PLXDC2: variants seen among roughly 807,000 people sequenced by gnomAD.
The protein encoded by PLXDC2 is plexin domain containing 2.
A neutral mutation model predicts 68.9 loss-of-function variants in PLXDC2; 40 were observed. The observed-to-expected ratio is 0.58, with a 90% CI of 0.45 to 0.76. PLXDC2 has a LOEUF of 0.76. Ranked by LOEUF, PLXDC2 falls within the 30% of genes least tolerant of loss-of-function variation. The pLI is 0.00. For missense variants in PLXDC2, 644 were observed against 661.9 expected (o/e 0.97, Z 0.30); for synonymous variants, 243 against 234.2 (o/e 1.04, Z -0.34).
At chr10:20,143,601 C>G (rs1834035130) in intron 5 of PLXDC2, among the ~76,000 whole-genome samples, 184 bp downstream of exon 5, 1 of 152,012 alleles carries the variant, frequency 6.6e-6, no homozygotes. Flanking sequence ...TTCATTCATT[C>G]AACACATTTA....
chr10:20,015,402 A>G (rs1466149734), intron 2 of PLXDC2, among the ~76,000 whole-genome samples: 2 of 152,076 alleles, frequency 1.3e-5, no homozygotes, highest in East Asian at 1.9e-4. Context: ...ATGTATATGT[A>G]TGTGCATACT....
At chr10:19,946,946 G>A (rs1589550604) in intron 1 of PLXDC2, among the ~76,000 whole-genome samples, 1 of 152,132 alleles carries the variant, frequency 6.6e-6, no homozygotes, top group South Asian at 2.1e-4. Context: ...CTGCTGTGCA[G>A]CCTGGTCCCT....
intron 2 of PLXDC2, among the ~76,000 whole-genome samples, chr10:20,033,464 G>A (rs1301339952): frequency 6.6e-6 from 1 of 152,048 alleles, no homozygotes; most frequent in African/African-American, 2.4e-5. Flanking sequence ...GTATTAGTCT[G>A]CTCTCATGCT....
intron 2 of PLXDC2, among the ~76,000 whole-genome samples, chr10:20,030,015 C>T (rs532768408): frequency 2.6e-5 from 4 of 152,122 alleles, no homozygotes; most frequent in African/African-American, 7.2e-5. Context: ...AAGATTTACA[C>T]TGCTAAAAGT....
intron 4 of PLXDC2, among the ~76,000 whole-genome samples, chr10:20,070,654 A>G (rs1836300456): frequency 6.6e-6 from 1 of 152,214 alleles, no homozygotes; most frequent in Non-Finnish European, 1.5e-5. Flanking sequence ...ATAAAATATA[A>G]TAGAAATATG....
chr10:19,862,218 CA>C (rs1401504527), intron 1 of PLXDC2, among the ~76,000 whole-genome samples: 4 of 152,170 alleles, frequency 2.6e-5, no homozygotes, highest in Non-Finnish European at 5.9e-5. Context: ...ATCCAACTAG[CA>C]TCTTGAATCA....
chr10:19,914,690 C>T (rs1833335214), intron 1 of PLXDC2, among the ~76,000 whole-genome samples: 1 of 152,114 alleles, frequency 6.6e-6, no homozygotes, highest in Non-Finnish European at 1.5e-5. Context: ...TCCATCAGTC[C>T]CATTATTTTA....
chr10:19,998,356 T>A (rs185571840), intron 1 of PLXDC2, among the ~76,000 whole-genome samples: 1 of 152,324 alleles, frequency 6.6e-6, no homozygotes, highest in East Asian at 1.9e-4. Flanking sequence ...TTTTGACTTG[T>A]TTTATCTTCT....
At chr10:20,259,159 C>T (rs900698671) in intron 13 of PLXDC2, among the ~76,000 whole-genome samples, 3 of 152,076 alleles carry the variant, frequency 2.0e-5, no homozygotes, top group African/African-American at 7.2e-5. Context: ...TATTAACACA[C>T]ACACATATTT....
At chr10:20,269,865 A>G (rs1835913581) in intron 13 of PLXDC2, among the ~76,000 whole-genome samples, 2 of 151,984 alleles carry the variant, frequency 1.3e-5, no homozygotes, top group Admixed American at 6.6e-5. Flanking sequence ...TAAAAATACA[A>G]TAATTAGCCA....
chr10:19,912,702 A>G (rs1040586652), intron 1 of PLXDC2, among the ~76,000 whole-genome samples: 1 of 152,208 alleles, frequency 6.6e-6, no homozygotes, highest in African/African-American at 2.4e-5. Flanking sequence ...AACTGCCACA[A>G]ATCCTTTTAG....
intron 12 of PLXDC2, among the ~76,000 whole-genome samples, chr10:20,225,935 C>T (rs1835280499): frequency 6.6e-6 from 1 of 152,124 alleles, no homozygotes; most frequent in Non-Finnish European, 1.5e-5. Context: ...AATGCATATG[C>T]TGATATGGTA....
intron 7 of PLXDC2, among the ~76,000 whole-genome samples, chr10:20,166,441 C>T (rs1834375384): frequency 6.6e-6 from 1 of 152,088 alleles, no homozygotes; most frequent in South Asian, 2.1e-4. Context: ...GTGTAGGCAA[C>T]ATAAAGGCAT....
chr10:19,822,083 C>A (rs1836477055), intron 1 of PLXDC2, among the ~76,000 whole-genome samples: 1 of 151,696 alleles, frequency 6.6e-6, no homozygotes, highest in Non-Finnish European at 1.5e-5. Context: ...TCCATGCTAT[C>A]ACAAATAGCA....
intron 1 of PLXDC2, among the ~76,000 whole-genome samples, chr10:19,952,918 T>C (rs1834013058): frequency 6.6e-6 from 1 of 152,120 alleles, no homozygotes; most frequent in Non-Finnish European, 1.5e-5. Flanking sequence ...TTCTTTTTTT[T>C]TGTTTTGATG....
At chr10:20,038,540 G>A (rs1236894094) in intron 2 of PLXDC2, among the ~76,000 whole-genome samples, 2 of 152,114 alleles carry the variant, frequency 1.3e-5, no homozygotes, top group Non-Finnish European at 2.9e-5. Context: ...TCTGAAGAAG[G>A]TATTAATGTA....
At chr10:19,875,345 G>C (rs983483415) in intron 1 of PLXDC2, among the ~76,000 whole-genome samples, 2 of 152,202 alleles carry the variant, frequency 1.3e-5, no homozygotes, top group East Asian at 3.8e-4. Context: ...AGGTTGTAAT[G>C]AGCATCATGG....
intron 3 of PLXDC2, among the ~76,000 whole-genome samples, chr10:20,067,336 A>G (rs1017459084): frequency 2.6e-5 from 4 of 152,106 alleles, no homozygotes; most frequent in African/African-American, 7.2e-5. Context: ...TTGTGTTTCT[A>G]AGAGTGGACA....
chr10:19,998,147 C>A (rs571375496), intron 1 of PLXDC2, among the ~76,000 whole-genome samples: 13 of 152,288 alleles, frequency 8.5e-5, no homozygotes, highest in African/African-American at 2.9e-4. Flanking sequence ...GTTTTTACTG[C>A]AGCTGGAAAG....
Sources: allele counts gnomAD v4.1 joint callset (sites outside exome capture counted in the v4.1 genomes callset), GRCh38; gene constraint gnomAD v4.1.1; transcripts MANE v1.5; gene names NCBI Gene and HGNC (gene_info 2026-07-23, HGNC 2026-07-21).